ATG4C: variants seen among roughly 807,000 people sequenced by gnomAD.
ATG4C encodes cysteine protease ATG4C.
In ATG4C, 56 loss-of-function variants were observed where a neutral mutation model predicts 57.6. The ratio of observed to expected loss-of-function variants is 0.97; its 90% CI spans 0.78 to 1.21. The LOEUF (loss-of-function observed/expected upper bound fraction) is 1.21, where lower values mean the gene tolerates loss of function less well. ATG4C is among the 50% of genes most tolerant of loss of function. ATG4C has a pLI of 0.00. For missense variants in ATG4C, 595 were observed against 529.8 expected (o/e 1.12, Z -1.21); for synonymous variants, 157 against 174.1 (o/e 0.90, Z 0.78).
chr1:62,807,578 A>G (rs1331728521), intron 3 of ATG4C, among the ~76,000 whole-genome samples: 1 of 152,162 alleles, frequency 6.6e-6, no homozygotes, highest in East Asian at 1.9e-4. Flanking sequence ...TCCCTGAAAT[A>G]CGGGATATGT....
At chr1:62,828,956 G>T in intron 6 of ATG4C, 84 bp from the exon 7 acceptor site, 1 of 1,242,016 alleles carries the variant, frequency 8.1e-7, no homozygotes, top group Non-Finnish European at 1.1e-6. Context: ...GTCCATTGCG[G>T]GGTGGAGGAT....
chr1:62,796,882 C>T (rs1018602947), intron 1 of ATG4C, among the ~76,000 whole-genome samples: 2 of 151,998 alleles, frequency 1.3e-5, no homozygotes, highest in South Asian at 2.1e-4. Flanking sequence ...CCAACGTGGG[C>T]GAATCACCTG....
intron 6 of ATG4C, among the ~76,000 whole-genome samples, chr1:62,826,196 A>C (rs1420058659): frequency 6.7e-6 from 1 of 149,352 alleles, no homozygotes; most frequent in Non-Finnish European, 1.5e-5. Flanking sequence ...GGCGTGACCC[A>C]CCACACCTGG....
intron 10 of ATG4C, among the ~76,000 whole-genome samples, chr1:62,853,531 C>T (rs866913605): frequency 1.2e-4 from 18 of 152,294 alleles, no homozygotes; most frequent in South Asian, 4.1e-4. Flanking sequence ...ACTGCAGCCC[C>T]GACCTCGTGG....
chr1:62,819,043 G>C lies in ATG4C; in HGVS notation c.433G>C (p.Asp145His). Residue 145 changes from aspartate (D) to histidine (H), a missense_variant, in exon 5 of 11, where the codon GAC (aspartate) becomes CAC (histidine). Coordinates refer to ENST00000317868, the MANE Select transcript of ATG4C (RefSeq NM_032852.4). ...TGATGCTTTGAATATTGAAAATTCA[G>C]ACTCTGAATCATGGACTTCCCACAC... is the stretch of plus-strand genomic sequence containing the variant. ...WPDALNIENS[D>H]SESWTSHTVK... 1 of 1,584,350 alleles carries C rather than the reference G, an allele frequency of 6.3e-7. No individual in the cohort carries two copies. The highest frequency in any genetic ancestry group is 8.6e-7 in the Non-Finnish European group (1 of 1,166,554).
intron 1 of ATG4C, among the ~76,000 whole-genome samples, chr1:62,800,228 C>A (rs1399237601): frequency 2.6e-5 from 4 of 152,112 alleles, no homozygotes; most frequent in African/African-American, 7.2e-5. Flanking sequence ...TACCTGCATG[C>A]ACATACTCTC....
chr1:62,849,932 G>A (rs1666451309), intron 10 of ATG4C, among the ~76,000 whole-genome samples: 3 of 151,878 alleles, frequency 2.0e-5, no homozygotes, highest in Admixed American at 2.0e-4. Context: ...TTCTTTTAAG[G>A]TGTAAGGTGT....
intron 10 of ATG4C, among the ~76,000 whole-genome samples, chr1:62,854,339 C>T (rs1168177528): frequency 2.0e-5 from 3 of 148,990 alleles, no homozygotes; most frequent in East Asian, 2.0e-4. Flanking sequence ...AGTGCAGTGG[C>T]GCGATCTTGG....
At chr1:62,820,300 CT>C (rs1665440345) in intron 5 of ATG4C, among the ~76,000 whole-genome samples, 1 of 151,988 alleles carries the variant, frequency 6.6e-6, no homozygotes, top group African/African-American at 2.4e-5. Context: ...CTTCACAGGT[CT>C]TGTAAAGGTT....
chr1:62,848,586 A>AT (rs967753154), intron 10 of ATG4C, among the ~76,000 whole-genome samples: 1 of 152,086 alleles, frequency 6.6e-6, no homozygotes, highest in African/African-American at 2.4e-5. Flanking sequence ...AATGCAAATA[A>AT]TTTTTTTTCC....
intron 4 of ATG4C, 128 bp downstream of exon 4, chr1:62,816,936 T>C (rs1665298830): frequency 1.3e-6 from 1 of 764,544 alleles, no homozygotes; most frequent in Admixed American, 3.2e-5. Context: ...TGAGATTTTC[T>C]AAGGAGTTGT....
chr1:62,799,354 C>T (rs1047043068), intron 1 of ATG4C, among the ~76,000 whole-genome samples: 8 of 152,232 alleles, frequency 5.3e-5, no homozygotes, highest in East Asian at 1.9e-4. Flanking sequence ...TTTAACCTTA[C>T]GAAAATAATT....
At chr1:62,858,867 A>G (rs911879331) in intron 10 of ATG4C, among the ~76,000 whole-genome samples, 3 of 152,186 alleles carry the variant, frequency 2.0e-5, no homozygotes, top group African/African-American at 7.2e-5. Context: ...CATCACTTGC[A>G]CACTTAGTTC....
chr1:62,835,441 A>G (rs1297227457), intron 9 of ATG4C: 2 of 323,254 alleles, frequency 6.2e-6, no homozygotes, highest in Non-Finnish European at 1.3e-5. Flanking sequence ...CATAAATGAA[A>G]CATGTAATTA....
chr1:62,834,943 A>G, intron 9 of ATG4C, 91 bp downstream of exon 9: 2 of 1,013,060 alleles, frequency 2.0e-6, no homozygotes, highest in Non-Finnish European at 1.5e-6. Context: ...CTTTTACGGT[A>G]TTATAACTAC....
intron 10 of ATG4C, among the ~76,000 whole-genome samples, chr1:62,848,745 A>G (rs1055868073): frequency 6.6e-6 from 1 of 152,164 alleles, no homozygotes; most frequent in Non-Finnish European, 1.5e-5. Context: ...CATTATCACC[A>G]TTTAATCCCC....
Position 62,816,622 on chromosome 1 carries a change from C to A in ATG4C, c.208C>A (p.His70Asn), listed in dbSNP as rs535434876. 1 of 1,613,596 alleles carries A rather than the reference C, an allele frequency of 6.2e-7. No individual in the cohort carries two copies. The highest frequency in any genetic ancestry group is 1.7e-5 in the Admixed American group (1 of 59,956). Residue 70 changes from histidine to asparagine, a missense_variant, in exon 4 of 11, where the codon CAC becomes AAC. Transcript: ENST00000317868. Reference sequence around the variant, plus strand: ...AGAGTCGGGATGTACAATAGAGGATCACGTAATTGCAGGAAATGTAGAAGA... The same window carrying A: ...AGAGTCGGGATGTACAATAGAGGATAACGTAATTGCAGGAAATGTAGAAGA... ...PAESGCTIED[H>N]VIAGNVEEFR... is the part of the protein sequence containing the mutation.
rs1664821538 is a variant in ATG4C at position 62,805,275 on chromosome 1, A to G, written c.160+20A>G. ...ATGAAGGTAAGTACAAAATTTGTAA[A>G]CCATTTAAAAATTTTTGTAGAAATC... On this transcript the variant is annotated intron_variant, in intron 3 of 10. Coordinates refer to ENST00000317868, the MANE Select transcript of ATG4C (RefSeq NM_032852.4). 4 of 1,485,908 alleles carry G rather than the reference A, an allele frequency of 2.7e-6. No homozygotes were observed. The South Asian group carries it at 5.7e-5, about 21-fold the overall frequency. The allele number at this position is 1,485,908 out of a possible 1,614,324, so 92.0% of individuals were successfully genotyped here.
At chr1:62,860,554 G>C (rs1051475372) in intron 10 of ATG4C, among the ~76,000 whole-genome samples, 1 of 152,282 alleles carries the variant, frequency 6.6e-6, no homozygotes, top group Middle Eastern at 3.4e-3. Context: ...TGTGGTCCTT[G>C]TTGACTGAAA....
Sources: gnomAD v4.1 joint callset for allele counts (sites outside exome capture counted in the v4.1 genomes callset) on GRCh38, gnomAD v4.1.1 for gene constraint, MANE v1.5 for transcripts, NCBI Gene and HGNC (gene_info 2026-07-23, HGNC 2026-07-21) for gene names.